Variants in ADGRE3 observed in about 807,000 individuals in gnomAD.
ADGRE3 encodes the protein adhesion G protein-coupled receptor E3, also known as EGF-like module receptor 3.
Under a neutral mutation model 80.1 loss-of-function variants are expected in ADGRE3, and 88 were observed. The observed-to-expected ratio is 1.10, with a 90% CI of 0.93 to 1.31. The LOEUF (loss-of-function observed/expected upper bound fraction) is 1.31. Ranked by LOEUF, ADGRE3 falls within the 40% of genes most tolerant of loss-of-function variation. The pLI is 0.00. For synonymous variants in ADGRE3, 281 were observed against 294.8 expected (o/e 0.95, Z 0.48); for missense variants, 715 against 776.5 (o/e 0.92, Z 0.94).
intron 14 of ADGRE3, 104 bp from the exon 15 acceptor site, chr19:14,625,703 AT>A: frequency 2.9e-6 from 2 of 699,530 alleles, no homozygotes; most frequent in South Asian, 3.5e-5. Flanking sequence ...TTATTTATTT[AT>A]TTTCACAAAA....
At chr19:14,603,178 C>T in the ADGRE3 span, among the ~76,000 whole-genome samples, 2 of 152,142 alleles carry the variant, frequency 1.3e-5, no homozygotes, top group African/African-American at 4.8e-5. Context: ...TCTCATTCTG[C>T]TAGAATGGTG....
chr19:14,641,715 G>A, intron 9 of ADGRE3, 99 bp from the exon 10 acceptor site: 1 of 1,436,362 alleles, frequency 7.0e-7, no homozygotes, highest in Admixed American at 2.0e-5. Context: ...ACCAAGCCCA[G>A]TGGTAGTGTG....
intron 4 of ADGRE3, among the ~76,000 whole-genome samples, chr19:14,659,693 T>A (rs1021794830): frequency 6.6e-6 from 1 of 151,182 alleles, no homozygotes; most frequent in African/African-American, 2.4e-5. Flanking sequence ...TGTTGGCGGG[T>A]GCCTGTAATC....
intron 10 of ADGRE3, among the ~76,000 whole-genome samples, chr19:14,639,868 T>TAGAACAA (rs1971200082): frequency 1.3e-5 from 2 of 152,206 alleles, no homozygotes; most frequent in South Asian, 4.1e-4. Context: ...TGTTAGCAAT[T>TAGAACAA]TTTCAATATA....
intron 7 of ADGRE3, among the ~76,000 whole-genome samples, chr19:14,650,633 C>CTCTT (rs1328893439): frequency 3.5e-4 from 3 of 8,604 alleles, no homozygotes; most frequent in African/African-American, 1.6e-3. Context: ...GTCTCCATCT[C>CTCTT]TCTCTCTCTC....
chr19:14,635,260 C>G (rs2146824017), intron 11 of ADGRE3, among the ~76,000 whole-genome samples: 1 of 151,796 alleles, frequency 6.6e-6, no homozygotes, highest in Non-Finnish European at 1.5e-5. Flanking sequence ...CCGTGTCCAG[C>G]TAATTAAAAC....
chr19:14,665,936 GTATATATATA>G lies in ADGRE3; in HGVS notation c.77-2406_77-2397del, dbSNP rs71309616. On this transcript the variant is annotated intron_variant, in intron 2 of 15. Coordinates refer to ENST00000253673, the MANE Select transcript of ADGRE3 (RefSeq NM_032571.5). ...ATATATTGCATATACACACATATGTGTATATATATATATATATATATATATATATATATAT... is the reference window on the plus strand; with the variant it reads ...ATATATTGCATATACACACATATGTGTATATATATATATATATATATATAT... 1.3e-3 allele frequency among the ~76,000 whole-genome samples: 56 copies of G among 42,104 alleles called. 6 individuals are homozygous for G. Among genetic ancestry groups the G allele is most frequent in the Middle Eastern group, 0.021 (1 of 48 alleles). 27.6% of individuals were successfully genotyped at this position (42,104 alleles called of 152,430 possible).
At chr19:14,626,929 G>A (rs955119040) in intron 14 of ADGRE3, among the ~76,000 whole-genome samples, 3 of 152,216 alleles carry the variant, frequency 2.0e-5, no homozygotes, top group Non-Finnish European at 4.4e-5. Context: ...TGGGCCAGGC[G>A]TGTCCTGTGG....
chr19:14,633,251 G>T lies in ADGRE3; in HGVS notation c.1536C>A (p.Val512=). Residue 512 remains valine, a synonymous_variant, in exon 12 of 16, where the codon GTC becomes GTA. Transcript: ENST00000253673. ...ACATACTCACAGAGAAAATGGCACAGACTGGGCCAAGGAAACTCCACATGA... is the reference window on the plus strand; with the variant it reads ...ACATACTCACAGAGAAAATGGCACATACTGGGCCAAGGAAACTCCACATGA... ...QGFMWSFLGP[V]CAIFSANLVL... The T allele has an allele frequency of 6.2e-7, 1 of 1,612,936 alleles. No homozygotes were observed. Among genetic ancestry groups the T allele is most frequent in the South Asian group, 1.1e-5 (1 of 90,914 alleles).
At chr19:14,641,394 G>A (rs369866334) in intron 10 of ADGRE3, 25 bp downstream of exon 10, 2 of 1,613,730 alleles carry the variant, frequency 1.2e-6, no homozygotes, top group Admixed American at 1.7e-5. Context: ...GGCAGAAAGG[G>A]CATCCTCTGA....
chr19:14,624,325 C>T (rs1970679275), intron 15 of ADGRE3, among the ~76,000 whole-genome samples: 2 of 152,174 alleles, frequency 1.3e-5, no homozygotes, highest in African/African-American at 4.8e-5. Flanking sequence ...AACTCCCAAC[C>T]TCAGGTGATC....
At position 14,663,617 on chromosome 19, in the gene ADGRE3, T is replaced by A. The variant is rs1014462774; in HGVS notation, c.77-77A>T. On this transcript the variant is annotated intron_variant, in intron 2 of 15. Transcript: ENST00000253673. ...GTTATAATTAGGCCCTGCCTCTTGA[T>A]CACCTGAGGTCAGGAGTTCAAGAGC... The A allele has an allele frequency of 5.9e-5, 88 of 1,490,034 alleles. No individual in the cohort carries two copies. In the East Asian group the frequency reaches 2.2e-3, roughly 37 times the overall value. The allele number at this position is 1,490,034 out of a possible 1,614,324, so 92.3% of individuals were successfully genotyped here.
intron 2 of ADGRE3, 194 bp downstream of exon 2, chr19:14,668,608 C>T: frequency 1.8e-6 from 1 of 543,108 alleles, no homozygotes. Flanking sequence ...AAAAATCAAA[C>T]AAAACGATAA....
intron 15 of ADGRE3, among the ~76,000 whole-genome samples, chr19:14,620,568 A>ATATATTTATTTTTTTTTTT (rs1435435269): frequency 9.0e-5 from 1 of 11,060 alleles, no homozygotes; most frequent in East Asian, 2.9e-3. Context: ...ATATATATAT[A>ATATATTTATTTTTTTTTTT]TTTTTTTTTT....
At chr19:14,610,200 C>A in the ADGRE3 span, 1 of 1,559,010 alleles carries the variant, frequency 6.4e-7, no homozygotes, top group Non-Finnish European at 8.7e-7. Flanking sequence ...CTGTTGAAGC[C>A]CAGGGCCGAG....
chr19:14,605,484 A>C, the ADGRE3 span, among the ~76,000 whole-genome samples: 1 of 152,172 alleles, frequency 6.6e-6, no homozygotes, highest in Non-Finnish European at 1.5e-5. Flanking sequence ...CAGATCTTTG[A>C]TGTATGTTCA....
At chr19:14,617,377 C>CTTTCTTTCTTTCTTTCCTTT (rs1491527496), downstream of ADGRE3, among the ~76,000 whole-genome samples, 1 of 86,306 alleles carries the variant, frequency 1.2e-5, no homozygotes, top group Admixed American at 1.4e-4. Context: ...TTTCTTTCTT[C>CTTTCTTTCTTTCTTTCCTTT]CTTTCTTTCT....
chr19:14,664,100 C>T (rs1277744337), intron 2 of ADGRE3, among the ~76,000 whole-genome samples: 2 of 152,000 alleles, frequency 1.3e-5, no homozygotes, highest in Non-Finnish European at 2.9e-5. Context: ...GCTCACTCCG[C>T]CTGGTGAGGA....
chr19:14,644,054 C>A, intron 9 of ADGRE3, 54 bp downstream of exon 9: 12 of 1,091,410 alleles, frequency 1.1e-5, no homozygotes, highest in Non-Finnish European at 1.5e-5. Context: ...CTTATTACCA[C>A]TTAGTAGGGG....
Sources: gnomAD v4.1 joint callset for allele counts (sites outside exome capture counted in the v4.1 genomes callset) on GRCh38, gnomAD v4.1.1 for gene constraint, MANE v1.5 for transcripts, NCBI Gene and HGNC (gene_info 2026-07-23, HGNC 2026-07-21) for gene names.